Variants in ASCC1 observed in about 807,000 individuals in gnomAD.
ASCC1 encodes activating signal cointegrator 1 complex subunit 1.
Under a neutral mutation model 46.6 loss-of-function variants are expected in ASCC1, and 35 were observed. That is an observed-to-expected ratio of 0.75 (90% CI 0.57 to 0.99). The LOEUF is 0.99. Ranked by LOEUF, ASCC1 falls within the 50% of genes least tolerant of loss-of-function variation. The pLI, the probability that ASCC1 is intolerant of heterozygous loss-of-function variation, is 0.00. For missense variants in ASCC1, 376 were observed against 428.7 expected (o/e 0.88, Z 1.09); for synonymous variants, 143 against 146.6 (o/e 0.98, Z 0.18).
intron 5 of ASCC1, among the ~76,000 whole-genome samples, chr10:72,164,991 G>C (rs1850162242): frequency 6.6e-6 from 1 of 151,998 alleles, no homozygotes; most frequent in South Asian, 2.1e-4. Flanking sequence ...TGAGTTTTAA[G>C]AATTCTTTAT....
At chr10:72,166,099 A>T (rs1564681365) in intron 5 of ASCC1, among the ~76,000 whole-genome samples, 1 of 152,206 alleles carries the variant, frequency 6.6e-6, no homozygotes, top group Admixed American at 6.5e-5. Context: ...CAGGCAGTCA[A>T]GCCCTAAAGT....
chr10:72,118,621 A>C (rs1461179689), intron 9 of ASCC1, among the ~76,000 whole-genome samples: 1 of 151,434 alleles, frequency 6.6e-6, no homozygotes, highest in East Asian at 2.0e-4. Flanking sequence ...CTCTACTAAA[A>C]ATACAAAATT....
chr10:72,120,435 G>A (rs547719669), intron 9 of ASCC1, among the ~76,000 whole-genome samples: 11 of 151,750 alleles, frequency 7.2e-5, no homozygotes, highest in African/African-American at 2.7e-4. Flanking sequence ...GTACAACTAC[G>A]AAAGATATAA....
Position 72,207,983 on chromosome 10 carries a change from T to C in ASCC1, c.212+2749A>G, listed in dbSNP as rs374289586. Among the ~76,000 whole-genome samples, 186 of 151,940 alleles carry C rather than the reference T, an allele frequency of 1.2e-3. 2 individuals carry two copies. The highest frequency in any genetic ancestry group is 4.4e-3 in the African/African-American group (182 of 41,446). ...CTCACTACCACGCCTGGCTAATTTA[T>C]TTTTTTTATTTTTATTTTTTGTTGT... On this transcript the variant is annotated intron_variant, in intron 3 of 9. Coordinates refer to ENST00000672957, the MANE Select transcript of ASCC1 (RefSeq NM_001198800.3).
intron 5 of ASCC1, among the ~76,000 whole-genome samples, chr10:72,177,347 TACA>T (rs1315878673): frequency 3.9e-5 from 6 of 152,166 alleles, no homozygotes; most frequent in Non-Finnish European, 8.8e-5. Flanking sequence ...CTACAAATCC[TACA>T]ACTACCCTTA....
Position 72,213,188 on chromosome 10 carries a change from T to C in ASCC1, c.111A>G (p.Gln37=). ...QHEEDEEDFY[Q]GSMECADEPC... ...TGACCAAAGAGCAACTAGGATTACC[T>C]TGATAGAAGTCCTCTTCATCTTCTT... is the stretch of plus-strand genomic sequence containing the variant. The change falls in exon 2 of 10, where the codon CAA becomes CAG. Residue 37 remains glutamine (Q), a splice_region_variant and synonymous_variant. Coordinates refer to ENST00000672957, the MANE Select transcript of ASCC1 (RefSeq NM_001198800.3). The C allele has an allele frequency of 6.2e-7, 1 of 1,601,810 alleles. No individual in the cohort carries two copies.
chr10:72,195,146 T>TG (rs1444317518), intron 5 of ASCC1, among the ~76,000 whole-genome samples: 1 of 134,776 alleles, frequency 7.4e-6, no homozygotes, highest in Non-Finnish European at 1.6e-5. Context: ...TGTGTTTTTT[T>TG]TTTTTTTTTT....
At chr10:72,200,377 G>A (rs143160231) in intron 4 of ASCC1, among the ~76,000 whole-genome samples, 30 of 152,046 alleles carry the variant, frequency 2.0e-4, no homozygotes, top group Admixed American at 2.6e-4. Context: ...AGGGCTGGGC[G>A]CAGTGGCTCA....
At chr10:72,216,915 AT>A (rs1174650048), upstream of ASCC1, 1 of 456,256 alleles carries the variant, frequency 2.2e-6, no homozygotes, top group African/African-American at 2.0e-5. Context: ...CTGGTTGAAG[AT>A]AGAGTTGTGC....
chr10:72,137,138 A>C (rs1233032785), intron 7 of ASCC1, among the ~76,000 whole-genome samples: 1 of 151,782 alleles, frequency 6.6e-6, no homozygotes, highest in Non-Finnish European at 1.5e-5. Context: ...TAGGTCTTGA[A>C]CTCCTGGCCT....
chr10:72,197,443 G>C (rs1432630218), intron 4 of ASCC1, among the ~76,000 whole-genome samples: 1 of 128,418 alleles, frequency 7.8e-6, no homozygotes, highest in African/African-American at 2.9e-5. Flanking sequence ...ACTCCAGCCT[G>C]GGCAATAGAG....
intron 9 of ASCC1, among the ~76,000 whole-genome samples, chr10:72,111,574 T>C (rs921762939): frequency 4.6e-5 from 7 of 152,188 alleles, no homozygotes; most frequent in African/African-American, 7.2e-5. Context: ...CGCTTTTAAT[T>C]TGTAATAATA....
chr10:72,212,982 A>G (rs953192465), intron 2 of ASCC1, among the ~76,000 whole-genome samples: 1 of 152,206 alleles, frequency 6.6e-6, no homozygotes, highest in Non-Finnish European at 1.5e-5. Flanking sequence ...AAGAAGAAAC[A>G]TAACTTATAA....
chr10:72,099,649 C>T (rs981323826), intron 9 of ASCC1, among the ~76,000 whole-genome samples: 1 of 152,134 alleles, frequency 6.6e-6, no homozygotes, highest in African/African-American at 2.4e-5. Context: ...GGAGAAACCC[C>T]GTCTCTACTA....
intron 8 of ASCC1, among the ~76,000 whole-genome samples, chr10:72,132,420 G>T (rs975746440): frequency 6.6e-6 from 1 of 152,084 alleles, no homozygotes. Context: ...TTAAAACAAG[G>T]CATTTTTATA....
chr10:72,183,130 C>T (rs1268412944), intron 5 of ASCC1, among the ~76,000 whole-genome samples: 1 of 151,372 alleles, frequency 6.6e-6, no homozygotes, highest in African/African-American at 2.4e-5. Context: ...GCAACCTCCA[C>T]CTCCTAAGTT....
At chr10:72,116,264 T>G (rs1374314764) in intron 9 of ASCC1, among the ~76,000 whole-genome samples, 1 of 152,220 alleles carries the variant, frequency 6.6e-6, no homozygotes, top group African/African-American at 2.4e-5. Context: ...AGAAAAGCAT[T>G]CTTTGGCTGA....
rs1294154257 is a variant in ASCC1 at position 72,096,725 on chromosome 10, G to A, written c.*609C>T. 1 of 454,104 alleles carries A rather than the reference G, an allele frequency of 2.2e-6. No individual in the cohort carries two copies. The highest frequency in any genetic ancestry group is 1.6e-5 in the South Asian group (1 of 64,480). The allele number at this position is 454,104 out of a possible 1,614,324, so 28.1% of individuals were successfully genotyped here. A position where few individuals can be genotyped will look rare whatever the true frequency, so the allele number is the denominator to read the frequency against. On this transcript the variant is annotated 3_prime_UTR_variant, in exon 10 of 10. Transcript: ENST00000672957. ...CATGTAACGGAACATTCCATTATAT[G>A]TATAATACAGGAAGGAAATCCTGTC...
chr10:72,180,991 G>C (rs950637436), intron 5 of ASCC1: 1 of 161,200 alleles, frequency 6.2e-6, no homozygotes, highest in Non-Finnish European at 1.4e-5. Context: ...TTTGGAGACA[G>C]AGTCTCACTC....
Sources: gnomAD v4.1 joint callset for allele counts (sites outside exome capture counted in the v4.1 genomes callset) on GRCh38, gnomAD v4.1.1 for gene constraint, MANE v1.5 for transcripts, NCBI Gene and HGNC (gene_info 2026-07-23, HGNC 2026-07-21) for gene names.